Variants in DNMT3A observed in about 807,000 individuals in gnomAD.
The protein encoded by DNMT3A is DNA methyltransferase 3 alpha.
Under a neutral mutation model 117.6 loss-of-function variants are expected in DNMT3A, and 267 were observed. The ratio of observed to expected loss-of-function variants is 2.27; its 90% CI spans 2.05 to 2.51. The LOEUF (loss-of-function observed/expected upper bound fraction) is 2.51. DNMT3A is among the 30% of genes most tolerant of loss of function. DNMT3A has a pLI of 0.00. For synonymous variants in DNMT3A, 432 were observed against 474.8 expected (o/e 0.91, Z 1.17); for missense variants, 1,029 against 1,260.2 (o/e 0.82, Z 2.78).
chr2:25,313,931 C>T lies in DNMT3A; in HGVS notation c.54G>A (p.Glu18=), dbSNP rs2034256708. The change falls in exon 2 of 23, where the codon GAG becomes GAA. Residue 18 remains glutamate, a synonymous_variant. Transcript: ENST00000321117. ...TGCTCACCTTTCGGTCCTCCTCCCG[C>T]TCCGCAGCAGAGCTGCTGGTGTCCC... ...GPGDTSSSAA[E]REEDRKDGEE... 6.5e-7 allele frequency: 1 copy of T among 1,550,004 alleles called. No homozygotes were observed. Among genetic ancestry groups the T allele is most frequent in the Admixed American group, 2.0e-5 (1 of 51,002 alleles).
rs1350040773 is a variant in DNMT3A at position 25,233,877 on chromosome 2, T to C, written c.*402A>G. On this transcript the variant is annotated 3_prime_UTR_variant, in exon 23 of 23. Transcript: ENST00000321117. ...TCTCCCACCTTTCCTCTGCAAGGTA[T>C]TGTTACTATTTTTTGTTACTGATTT... 1.3e-5 allele frequency: 3 copies of C among 235,570 alleles called. No homozygotes were observed. Among genetic ancestry groups the C allele is most frequent in the Non-Finnish European group, 2.5e-5 (3 of 119,834 alleles). The allele number at this position is 235,570 out of a possible 1,614,324, so 14.6% of individuals were successfully genotyped here. A position where few individuals can be genotyped will look rare whatever the true frequency, so the allele number is the denominator to read the frequency against.
At chr2:25,328,873 G>A (rs2034898184) in intron 1 of DNMT3A, among the ~76,000 whole-genome samples, 1 of 152,156 alleles carries the variant, frequency 6.6e-6, no homozygotes, top group Non-Finnish European at 1.5e-5. Flanking sequence ...TGAGGGCCTA[G>A]GCTATCAGTG....
At chr2:25,342,489 C>G (rs1225463902), upstream of DNMT3A, 1 of 152,242 alleles carries the variant, frequency 6.6e-6, no homozygotes, top group Non-Finnish European at 1.5e-5. This position sits in a 1 kb window ranked among gnomAD's most constrained non-coding sequence, Gnocchi z 5.9. Flanking sequence ...ACAGCGGCCC[C>G]TCCTCTCCCC....
intron 1 of DNMT3A, among the ~76,000 whole-genome samples, chr2:25,328,120 T>TA (rs1348961327): frequency 6.6e-6 from 1 of 152,200 alleles, no homozygotes; most frequent in African/African-American, 2.4e-5. Context: ...ATGACAATTT[T>TA]AAAAAGTTGA....
chr2:25,330,575 C>A (rs564705019), intron 1 of DNMT3A, among the ~76,000 whole-genome samples: 4 of 152,256 alleles, frequency 2.6e-5, no homozygotes, highest in African/African-American at 9.6e-5. Flanking sequence ...TCTGCCATCT[C>A]CTGAGGTCTG....
intron 1 of DNMT3A, chr2:25,328,551 T>C: frequency 2.2e-6 from 1 of 447,868 alleles, no homozygotes; most frequent in Non-Finnish European, 4.7e-6. Flanking sequence ...AGAGACGAGG[T>C]CAGAGTTCAT....
chr2:25,255,985 GGTAGA>G (rs1319986456), intron 6 of DNMT3A, among the ~76,000 whole-genome samples: 1 of 152,134 alleles, frequency 6.6e-6, no homozygotes, highest in East Asian at 1.9e-4. Flanking sequence ...GCAGGATGAG[GGTAGA>G]TGATGTTGCT....
chr2:25,313,979 G>A lies in DNMT3A; in HGVS notation c.6C>T (p.Pro2=), dbSNP rs1442302904. 3.9e-6 allele frequency: 6 copies of A among 1,543,438 alleles called. No homozygotes were observed. Among genetic ancestry groups the A allele is most frequent in the African/African-American group, 2.7e-5 (2 of 73,112 alleles). ...CCCCGGGGCCGCTGGAGGGCATGGC[G>A]GGCATCTGGGCGCCGGGAGGCAGGC... M[P]AMPSSGPGDT... is the part of the protein sequence containing the mutation. Residue 2 remains proline, a synonymous_variant, in exon 2 of 23, where the codon CCC becomes CCT. Coordinates refer to ENST00000321117, the MANE Select transcript of DNMT3A (RefSeq NM_022552.5).
intron 1 of DNMT3A, chr2:25,314,788 T>A: frequency 1.2e-6 from 1 of 837,242 alleles, no homozygotes; most frequent in Non-Finnish European, 1.4e-6. Flanking sequence ...GAGGCAGGAG[T>A]GAGGCTGCTC....
At chr2:25,260,905 G>C (rs1162743668) in intron 6 of DNMT3A, among the ~76,000 whole-genome samples, 2 of 152,058 alleles carry the variant, frequency 1.3e-5, no homozygotes, top group Non-Finnish European at 2.9e-5. Context: ...GAGGTGGGAG[G>C]ATCACTTGAG....
At chr2:25,291,941 G>A (rs2032792272) in intron 3 of DNMT3A, among the ~76,000 whole-genome samples, 2 of 152,236 alleles carry the variant, frequency 1.3e-5, no homozygotes, top group African/African-American at 2.4e-5. Context: ...TTCAGAGTGA[G>A]CTGGAGGCTC....
rs1221845015 is a variant in DNMT3A, at chr2:25,247,157, A to C, written c.1016T>G (p.Val339Gly). ...CAGCGGCATCAGCTTCTCAACACAC[A>C]CCTGGGGGGACAAGCCAGGCCTTGT... ...MWFGDGKFSV[V>G]CVEKLMPLSS... The change falls in exon 9 of 23, where the codon GTG becomes GGG. Residue 339 changes from valine (V) to glycine (G), a missense_variant and splice_region_variant. By Grantham distance (109) the Val-to-Gly change is moderately radical. Transcript: ENST00000321117. This position sits in a 1 kb window ranked among gnomAD's most constrained non-coding sequence, Gnocchi z 5.6. 1 of 1,613,178 alleles carries C rather than the reference A, an allele frequency of 6.2e-7. No individual in the cohort carries two copies. Among genetic ancestry groups the C allele is most frequent in the Non-Finnish European group, 8.5e-7 (1 of 1,179,610 alleles).
rs1558646179 is a variant in DNMT3A, at chr2:25,229,080, G to C, written c.*5199C>G. ...CCCTCCCCCAAAACTCTGCTGCCTC[G>C]GGTCAGAGACAGGTCACCCACCAAA... On this transcript the variant is annotated 3_prime_UTR_variant, in exon 23 of 23. Transcript: ENST00000321117. 1.3e-5 allele frequency: 2 copies of C among 152,232 alleles called. No individual in the cohort carries two copies. Among genetic ancestry groups the C allele is most frequent in the Non-Finnish European group, 2.9e-5 (2 of 68,072 alleles). 9.4% of individuals were successfully genotyped at this position (152,232 alleles called of 1,614,324 possible).
rs1211121076 is a variant in DNMT3A at position 25,244,158 on chromosome 2, T to C, written c.1848A>G (p.Glu616=). ...QMFFANNHDQ[E]FDPPKVYPPV... is the part of the protein sequence containing the mutation. ...GCGCCCCAGGCCCAGCACTCACAAATTCCTGGTCGTGGTTATTAGCGAAGA... is the reference window on the plus strand; with the variant it reads ...GCGCCCCAGGCCCAGCACTCACAAACTCCTGGTCGTGGTTATTAGCGAAGA... Residue 616 remains glutamate (E), a synonymous_variant, in exon 15 of 23, where the codon GAA becomes GAG. Transcript: ENST00000321117. 6.2e-7 allele frequency: 1 copy of C among 1,613,880 alleles called. No individual in the cohort carries two copies. The highest frequency in any genetic ancestry group is 8.5e-7 in the Non-Finnish European group (1 of 1,180,012).
At chr2:25,291,713 T>G (rs1558714522) in intron 3 of DNMT3A, among the ~76,000 whole-genome samples, 1 of 152,192 alleles carries the variant, frequency 6.6e-6, no homozygotes, top group Non-Finnish European at 1.5e-5. Context: ...CAGAGATCTC[T>G]CCACCCGTGT....
chr2:25,245,328 G>A lies in DNMT3A; in HGVS notation c.1479C>T (p.Ile493=). 1 of 1,613,896 alleles carries A rather than the reference G, an allele frequency of 6.2e-7. No individual in the cohort carries two copies. Among genetic ancestry groups the A allele is most frequent in the Admixed American group, 1.7e-5 (1 of 60,024 alleles). Residue 493 remains isoleucine (I), a synonymous_variant, in exon 13 of 23, where the codon ATC becomes ATT. Coordinates refer to ENST00000321117, the MANE Select transcript of DNMT3A (RefSeq NM_022552.5). ...VRQKCRNIED[I]CISCGSLNVT... is the part of the protein sequence containing the mutation. ...CATTGAGGCTCCCACAGGAGATGCAGATGTCTGGAAAGCAGAGGGAGGGGA... is the reference window on the plus strand; with the variant it reads ...CATTGAGGCTCCCACAGGAGATGCAAATGTCTGGAAAGCAGAGGGAGGGGA...
At chr2:25,324,179 C>T (rs1398504121) in intron 1 of DNMT3A, among the ~76,000 whole-genome samples, 1 of 152,220 alleles carries the variant, frequency 6.6e-6, no homozygotes, top group Non-Finnish European at 1.5e-5. Context: ...TGGTCATTCA[C>T]TCATTCATTC....
intron 1 of DNMT3A, among the ~76,000 whole-genome samples, chr2:25,333,290 G>A (rs935091189): frequency 6.6e-6 from 1 of 150,900 alleles, no homozygotes; most frequent in South Asian, 2.1e-4. Context: ...TCCCCTCACC[G>A]TGAGGGGCCA....
intron 6 of DNMT3A, among the ~76,000 whole-genome samples, chr2:25,269,779 C>T (rs2030702462): frequency 6.6e-6 from 1 of 152,210 alleles, no homozygotes; most frequent in Non-Finnish European, 1.5e-5. Flanking sequence ...CCAGCTCCAG[C>T]AGGAATTCTC....
Sources: gnomAD v4.1 joint callset for allele counts (sites outside exome capture counted in the v4.1 genomes callset) on GRCh38, gnomAD v4.1.1 for gene constraint, Gnocchi (gnomAD v3.1) non-coding constraint, MANE v1.5 for transcripts, NCBI Gene and HGNC (gene_info 2026-07-23, HGNC 2026-07-21) for gene names.